The following DAB1 variants were observed in gnomAD, a reference collection of about 807,000 sequenced individuals.
DAB1 encodes DAB adaptor protein 1.
In DAB1, 15 loss-of-function variants were observed where a neutral mutation model predicts 64.6. The observed-to-expected ratio is 0.23, with a 90% CI of 0.16 to 0.36. DAB1 has a LOEUF of 0.36. Among genes scored for constraint, DAB1 ranks in the 10% least tolerant of loss-of-function variants. The pLI is 1.00. For synonymous variants in DAB1, 235 were observed against 251.9 expected (o/e 0.93, Z 0.64); for missense variants, 596 against 706.7 (o/e 0.84, Z 1.78).
chr1:57,426,026 T>TA (rs1477753151), upstream of DAB1, among the ~76,000 whole-genome samples: 6 of 151,906 alleles, frequency 3.9e-5, no homozygotes, highest in Non-Finnish European at 8.8e-5. Context: ...GAAGGGAGGG[T>TA]AAAAAACTGT....
At chr1:57,993,787 A>C (rs1249364231) in intron 5 of DAB1, among the ~76,000 whole-genome samples, 2 of 152,100 alleles carry the variant, frequency 1.3e-5, no homozygotes, top group Non-Finnish European at 2.9e-5. Flanking sequence ...CCTTATTCAA[A>C]GGTTTAGCTC....
intron 4 of DAB1, among the ~76,000 whole-genome samples, chr1:57,105,352 G>A (rs887046307): frequency 5.3e-5 from 8 of 151,964 alleles, no homozygotes; most frequent in African/African-American, 1.9e-4. Flanking sequence ...GCCCAGAAGA[G>A]AAAAAGCCCT....
chr1:57,667,118 G>A (rs58554598), intron 6 of DAB1, among the ~76,000 whole-genome samples: 44,173 of 152,004 alleles, frequency 0.29, 7,100 homozygotes, highest in Non-Finnish European at 0.38. Flanking sequence ...TTTTTGCATT[G>A]GGTATTCCAT....
intron 4 of DAB1, among the ~76,000 whole-genome samples, chr1:57,079,699 TAC>T (rs1201381009): frequency 6.6e-6 from 1 of 152,192 alleles, no homozygotes; most frequent in Non-Finnish European, 1.5e-5. Flanking sequence ...CTTGGTGTTT[TAC>T]AGTCTCTCAA....
chr1:57,076,525 C>A (rs1253478753), intron 4 of DAB1, among the ~76,000 whole-genome samples: 2 of 152,176 alleles, frequency 1.3e-5, no homozygotes, highest in African/African-American at 4.8e-5. Context: ...GTATCAATGT[C>A]CTCAATCCAA....
At chr1:57,152,470 G>A (rs573378050) in intron 2 of DAB1, among the ~76,000 whole-genome samples, 15 of 152,210 alleles carry the variant, frequency 9.9e-5, no homozygotes, top group Non-Finnish European at 1.8e-4. Flanking sequence ...AGATATAGGG[G>A]TTATGCAGCA....
At chr1:58,037,355 A>T (rs1192790295) in intron 5 of DAB1, among the ~76,000 whole-genome samples, 1 of 152,148 alleles carries the variant, frequency 6.6e-6, no homozygotes, top group Admixed American at 6.5e-5. Flanking sequence ...ATCTTCCCTT[A>T]CGGCAGGGGT....
intron 3 of DAB1, among the ~76,000 whole-genome samples, chr1:58,470,685 C>T (rs909807297): frequency 1.3e-5 from 2 of 152,122 alleles, no homozygotes; most frequent in Admixed American, 6.5e-5. Flanking sequence ...TTCCAGAACA[C>T]GTTTATGATA....
chr1:57,397,574 C>G (rs1037460004), intron 1 of DAB1, among the ~76,000 whole-genome samples: 2 of 152,176 alleles, frequency 1.3e-5, no homozygotes, highest in Admixed American at 1.3e-4. Flanking sequence ...AGAGAGTGCA[C>G]GTCCACACAG....
chr1:57,676,521 A>T (rs1646567910), intron 6 of DAB1, among the ~76,000 whole-genome samples: 1 of 152,222 alleles, frequency 6.6e-6, no homozygotes, highest in African/African-American at 2.4e-5. Flanking sequence ...AATGGATTAC[A>T]AAGAGACATT....
At chr1:57,741,508 T>G (rs1647992200) in intron 6 of DAB1, among the ~76,000 whole-genome samples, 1 of 152,158 alleles carries the variant, frequency 6.6e-6, no homozygotes, top group Non-Finnish European at 1.5e-5. Flanking sequence ...CCATACTGCC[T>G]CTCAAAGTGT....
chr1:57,432,183 A>G (rs1014798719), intron 7 of DAB1, among the ~76,000 whole-genome samples: 1 of 152,126 alleles, frequency 6.6e-6, no homozygotes, highest in African/African-American at 2.4e-5. Flanking sequence ...GAATCAGCAT[A>G]GCATATGATA....
intron 7 of DAB1, among the ~76,000 whole-genome samples, chr1:57,568,473 A>T (rs1425171654): frequency 1.3e-5 from 2 of 152,192 alleles, no homozygotes; most frequent in African/African-American, 2.4e-5. Context: ...AGAAACTACC[A>T]CCAGAGTGAA....
rs544477002 is a variant in DAB1, at chr1:57,147,764, T to C, written c.68-2335A>G. 1.6e-4 allele frequency among the ~76,000 whole-genome samples: 24 copies of C among 152,322 alleles called. 1 individual carries two copies. In the South Asian group the frequency reaches 5.0e-3, roughly 32 times the overall value. On this transcript the variant is annotated intron_variant, in intron 2 of 14. Transcript: ENST00000371236. Reference sequence around the variant, plus strand: ...ACCAGGTAGCATTCATCACAAAGCATATTATATGCATCAACTTGTTAAGTC... The same window carrying C: ...ACCAGGTAGCATTCATCACAAAGCACATTATATGCATCAACTTGTTAAGTC...
At chr1:57,023,245 AT>A (rs1248027222) in intron 11 of DAB1, among the ~76,000 whole-genome samples, 2 of 152,202 alleles carry the variant, frequency 1.3e-5, no homozygotes, top group African/African-American at 4.8e-5. Context: ...ACTTGGGCTA[AT>A]TGCACAGCTG....
intron 5 of DAB1, among the ~76,000 whole-genome samples, chr1:57,994,414 C>T (rs1241119657): frequency 6.6e-6 from 1 of 152,178 alleles, no homozygotes; most frequent in East Asian, 1.9e-4. Context: ...GAGTTGGAGG[C>T]TGTATGAGCA....
chr1:58,503,529 T>G (rs918758717), intron 3 of DAB1, among the ~76,000 whole-genome samples: 1 of 152,156 alleles, frequency 6.6e-6, no homozygotes, highest in Non-Finnish European at 1.5e-5. Context: ...AATTTATATG[T>G]TGAAATTCCA....
At chr1:57,995,458 T>A (rs969111075) in intron 5 of DAB1, among the ~76,000 whole-genome samples, 3 of 152,164 alleles carry the variant, frequency 2.0e-5, no homozygotes, top group Non-Finnish European at 2.9e-5. Flanking sequence ...TGCAAAAAAA[T>A]TTGGCAACAT....
Position 57,412,848 on chromosome 1 carries a change from T to C in DAB1, c.-137+11082A>G, listed in dbSNP as rs144500857. Among the ~76,000 whole-genome samples, 240 of 152,362 alleles carry C rather than the reference T, an allele frequency of 1.6e-3. 2 individuals carry two copies. The highest frequency in any genetic ancestry group is 5.5e-3 in the African/African-American group (229 of 41,584). ...CAACAAGTTATCCTGAAGATCTCAC[T>C]ATGATCATTGATGAAGTTGGTTATA... On this transcript the variant is annotated intron_variant, in intron 1 of 14. Transcript: ENST00000371236.
Sources: gnomAD v4.1 joint callset for allele counts (sites outside exome capture counted in the v4.1 genomes callset) on GRCh38, gnomAD v4.1.1 for gene constraint, MANE v1.5 for transcripts, NCBI Gene and HGNC (gene_info 2026-07-23, HGNC 2026-07-21) for gene names.